TCF7L1: variants seen among roughly 807,000 people sequenced by gnomAD.
The protein encoded by TCF7L1 is transcription factor 7-like 1.
A neutral mutation model predicts 63.7 loss-of-function variants in TCF7L1; 18 were observed. The observed-to-expected ratio is 0.28, with a 90% CI of 0.20 to 0.42. The LOEUF is 0.42. Among genes scored for constraint, TCF7L1 ranks in the 10% least tolerant of loss-of-function variants. TCF7L1 has a pLI of 1.00. For missense variants in TCF7L1, 654 were observed against 779.3 expected, an observed-to-expected ratio of 0.84 and a Z score of 1.91; for synonymous variants, 355 against 340.9, an observed-to-expected ratio of 1.04 and a Z score of -0.46.
intron 3 of TCF7L1, among the ~76,000 whole-genome samples, chr2:85,152,265 C>G (rs1402784174): frequency 6.6e-6 from 1 of 152,152 alleles, no homozygotes; most frequent in African/African-American, 2.4e-5. Context: ...ACTTACAGAC[C>G]ACTGTCTGAA....
chr2:85,287,200 A>C (rs1681582665), intron 4 of TCF7L1, among the ~76,000 whole-genome samples: 1 of 152,164 alleles, frequency 6.6e-6, no homozygotes, highest in Admixed American at 6.5e-5. Context: ...CTTTTTTGCA[A>C]CACAGCCGAC....
intron 3 of TCF7L1, among the ~76,000 whole-genome samples, chr2:85,236,579 T>G (rs1680197605): frequency 6.6e-6 from 1 of 152,134 alleles, no homozygotes; most frequent in Non-Finnish European, 1.5e-5. Context: ...TTGTCAGATT[T>G]CTGGCTGGGA....
intron 3 of TCF7L1, among the ~76,000 whole-genome samples, chr2:85,261,409 G>A (rs1215217742): frequency 6.6e-6 from 1 of 152,196 alleles, no homozygotes; most frequent in African/African-American, 2.4e-5. Context: ...GTGATTTGAA[G>A]CATGTGTGTG....
At chr2:85,142,495 T>TAC (rs1268109547) in intron 3 of TCF7L1, among the ~76,000 whole-genome samples, 20 of 148,636 alleles carry the variant, frequency 1.3e-4, no homozygotes, top group Non-Finnish European at 2.7e-4. Flanking sequence ...TATATATATA[T>TAC]ATACACACAC....
At chr2:85,260,124 C>T (rs1008237316) in intron 3 of TCF7L1, among the ~76,000 whole-genome samples, 1 of 152,164 alleles carries the variant, frequency 6.6e-6, no homozygotes. Flanking sequence ...CAAACTCGCC[C>T]CCATTGATTA....
intron 3 of TCF7L1, among the ~76,000 whole-genome samples, chr2:85,187,704 C>G (rs567662445): frequency 4.6e-5 from 7 of 152,204 alleles, no homozygotes; most frequent in African/African-American, 1.7e-4. Flanking sequence ...CTACCAAGAC[C>G]ATGCTGTCAC....
intron 3 of TCF7L1, among the ~76,000 whole-genome samples, chr2:85,271,420 A>T (rs545961708): frequency 6.6e-6 from 1 of 152,278 alleles, no homozygotes; most frequent in South Asian, 2.1e-4. Flanking sequence ...CCAGTTTCCC[A>T]TTTTTTAAAT....
Position 85,243,179 on chromosome 2 carries a change from A to G in TCF7L1, c.442-40316A>G, listed in dbSNP as rs115551786. Among the ~76,000 whole-genome samples, 1,514 of 152,250 alleles carry G rather than the reference A, an allele frequency of 9.9e-3. 22 individuals carry two copies. The highest frequency in any genetic ancestry group is 0.035 in the African/African-American group (1,447 of 41,532). On this transcript the variant is annotated intron_variant, in intron 3 of 11. Coordinates refer to ENST00000282111, the MANE Select transcript of TCF7L1 (RefSeq NM_031283.3). ...TTTCGAAAGAACTAATTCTGTAATA[A>G]CATGTTATGGCTACTCCTCGGCGCC... is the stretch of plus-strand genomic sequence containing the variant.
At chr2:85,225,155 C>G (rs927924401) in intron 3 of TCF7L1, among the ~76,000 whole-genome samples, 9 of 152,298 alleles carry the variant, frequency 5.9e-5, no homozygotes, top group Non-Finnish European at 7.3e-5. Context: ...GTTTTGGTAC[C>G]AGTACCATGC....
chr2:85,133,991 T>A lies in TCF7L1; in HGVS notation c.250-25T>A. 4.4e-6 allele frequency: 7 copies of A among 1,607,172 alleles called. No homozygotes were observed. In the South Asian group the frequency reaches 7.8e-5, roughly 18 times the overall value. ...CCCGGCCCTGCGTCCGCTCACCCGC[T>A]CTTGCCTTTGTGTCTCCTCCGCAGG... On this transcript the variant is annotated intron_variant, in intron 1 of 11. Coordinates refer to ENST00000282111, the MANE Select transcript of TCF7L1 (RefSeq NM_031283.3). This position sits in a 1 kb window ranked among gnomAD's most constrained non-coding sequence, Gnocchi z 4.4.
chr2:85,228,294 G>A (rs963840987), intron 3 of TCF7L1, among the ~76,000 whole-genome samples: 1 of 152,122 alleles, frequency 6.6e-6, no homozygotes, highest in Non-Finnish European at 1.5e-5. Context: ...GGTGGTGCAC[G>A]CCTGTAGTCT....
intron 3 of TCF7L1, among the ~76,000 whole-genome samples, chr2:85,158,624 G>A (rs1184689136): frequency 6.6e-6 from 1 of 152,188 alleles, no homozygotes; most frequent in Non-Finnish European, 1.5e-5. Context: ...TCGGAGGTGT[G>A]ATAAAGTTTT....
At chr2:85,145,624 C>G (rs1677860156) in intron 3 of TCF7L1, among the ~76,000 whole-genome samples, 1 of 152,220 alleles carries the variant, frequency 6.6e-6, no homozygotes, top group Admixed American at 6.5e-5. Context: ...CGGGAGTGTC[C>G]TCTAGCCCTC....
rs557339134 is a variant in TCF7L1, at chr2:85,226,038, G to C, written c.442-57457G>C. On this transcript the variant is annotated intron_variant, in intron 3 of 11. Coordinates refer to ENST00000282111, the MANE Select transcript of TCF7L1 (RefSeq NM_031283.3). ...TTTCTGCGTCTATTGAGATAATCAC[G>C]TGGTTTTTGTCGTTGGTTCTGTTTA... 5.3e-5 allele frequency among the ~76,000 whole-genome samples: 8 copies of C among 152,300 alleles called. No individual in the cohort carries two copies. The South Asian group carries it at 1.7e-3, about 32-fold the overall frequency.
intron 3 of TCF7L1, among the ~76,000 whole-genome samples, chr2:85,226,816 CTTTT>C (rs58016100): frequency 2.5e-4 from 34 of 137,406 alleles, no homozygotes; most frequent in Admixed American, 2.2e-4. Context: ...CTCCCCCCGC[CTTTT>C]TTTTTTTTTT....
intron 3 of TCF7L1, among the ~76,000 whole-genome samples, chr2:85,238,718 G>C (rs1005672902): frequency 3.3e-5 from 5 of 152,106 alleles, no homozygotes; most frequent in African/African-American, 1.2e-4. Context: ...GCAGCACAGT[G>C]GGGTAGTATC....
At chr2:85,298,952 A>T (rs181590099) in intron 4 of TCF7L1, among the ~76,000 whole-genome samples, 14 of 152,174 alleles carry the variant, frequency 9.2e-5, no homozygotes, top group African/African-American at 2.9e-4. Flanking sequence ...CTGGACAATG[A>T]TGCCACCTAG....
chr2:85,237,535 C>T (rs1419020529), intron 3 of TCF7L1, among the ~76,000 whole-genome samples: 1 of 152,142 alleles, frequency 6.6e-6, no homozygotes, highest in African/African-American at 2.4e-5. Flanking sequence ...GTTCAACATG[C>T]TTTTCCATCC....
intron 3 of TCF7L1, among the ~76,000 whole-genome samples, chr2:85,146,374 G>A (rs937478860): frequency 8.5e-5 from 13 of 152,094 alleles, no homozygotes; most frequent in African/African-American, 2.2e-4. Context: ...CCAAATTGAC[G>A]TGACAATGCA....
Sources: gnomAD v4.1 joint callset for allele counts (sites outside exome capture counted in the v4.1 genomes callset) on GRCh38, gnomAD v4.1.1 for gene constraint, Gnocchi (gnomAD v3.1) non-coding constraint, MANE v1.5 for transcripts, NCBI Gene and HGNC (gene_info 2026-07-23, HGNC 2026-07-21) for gene names.